The following ABLIM1 variants were observed in gnomAD, a reference collection of about 807,000 sequenced individuals.
ABLIM1 encodes the protein actin-binding LIM protein 1.
ABLIM1 carries 40 observed loss-of-function variants against 107.0 expected under a neutral mutation model. The ratio of observed to expected loss-of-function variants is 0.37; its 90% CI spans 0.29 to 0.49. The LOEUF (loss-of-function observed/expected upper bound fraction) is 0.49. ABLIM1 is among the 20% of genes least tolerant of loss of function. The pLI is 0.97. For synonymous variants in ABLIM1, 357 were observed against 357.3 expected (o/e 1.00, Z 0.01); for missense variants, 857 against 1,008.5 (o/e 0.85, Z 2.04).
intron 6 of ABLIM1, among the ~76,000 whole-genome samples, chr10:114,501,372 T>G (rs1383736451): frequency 1.3e-5 from 2 of 152,224 alleles, no homozygotes; most frequent in Non-Finnish European, 2.9e-5. Flanking sequence ...CAGTTAATAT[T>G]GGGAAGGCTC....
chr10:114,488,308 G>T (rs997385561), intron 7 of ABLIM1, among the ~76,000 whole-genome samples: 11 of 151,958 alleles, frequency 7.2e-5, no homozygotes, highest in African/African-American at 1.9e-4. Context: ...ATCGTGTCTT[G>T]TTATTTTTAA....
chr10:114,491,008 G>T (rs200169013), intron 7 of ABLIM1, among the ~76,000 whole-genome samples: 1 of 86,518 alleles, frequency 1.2e-5, no homozygotes, highest in African/African-American at 5.6e-5. Flanking sequence ...GTGTGTGTGT[G>T]TGTGTATATA....
intron 22 of ABLIM1, among the ~76,000 whole-genome samples, chr10:114,437,505 G>GAAACAGGGTTTAGTAGA (rs367678640): frequency 0.012 from 1,839 of 151,946 alleles, 35 homozygotes; most frequent in African/African-American, 0.041. Context: ...TTTTAGTAGA[G>GAAACAGGGTTTAGTAGA]ACAGGGTTTC....
intron 6 of ABLIM1, among the ~76,000 whole-genome samples, chr10:114,493,811 T>C (rs1033770835): frequency 6.6e-6 from 1 of 152,186 alleles, no homozygotes; most frequent in African/African-American, 2.4e-5. Flanking sequence ...CTAAATATTG[T>C]AAAGATGCTG....
chr10:114,661,313 G>A (rs1462516816), upstream of ABLIM1, among the ~76,000 whole-genome samples: 3 of 152,210 alleles, frequency 2.0e-5, no homozygotes, highest in African/African-American at 7.2e-5. Flanking sequence ...GGAGAGGGAT[G>A]AGAGTTCAGA....
At chr10:114,557,185 G>A (rs558974201) in intron 4 of ABLIM1, among the ~76,000 whole-genome samples, 1 of 152,276 alleles carries the variant, frequency 6.6e-6, no homozygotes, top group South Asian at 2.1e-4. Flanking sequence ...TGTGGAGCCT[G>A]AGTATGTAAC....
intron 14 of ABLIM1, among the ~76,000 whole-genome samples, chr10:114,449,716 T>C (rs2061554017): frequency 6.6e-6 from 1 of 152,194 alleles, no homozygotes. Flanking sequence ...TGTTAGCATA[T>C]AAGAAGTTCT....
intron 7 of ABLIM1, among the ~76,000 whole-genome samples, chr10:114,491,403 C>A (rs534862138): frequency 3.4e-4 from 52 of 152,102 alleles, no homozygotes; most frequent in African/African-American, 9.4e-4. Context: ...AAAAAGTAGC[C>A]ATCAAATAAG....
chr10:114,792,463 A>C, the ABLIM1 span, among the ~76,000 whole-genome samples: 14 of 152,238 alleles, frequency 9.2e-5, no homozygotes, highest in African/African-American at 3.4e-4. Context: ...GATACATCAG[A>C]TAACTTTCAT....
At chr10:114,607,545 T>G (rs192131100) in intron 1 of ABLIM1, among the ~76,000 whole-genome samples, 1 of 152,318 alleles carries the variant, frequency 6.6e-6, no homozygotes, top group East Asian at 1.9e-4. Context: ...CCCAGCCACA[T>G]GAGCAAGGTA....
At chr10:114,542,849 C>T (rs2066874669) in intron 6 of ABLIM1, among the ~76,000 whole-genome samples, 1 of 152,208 alleles carries the variant, frequency 6.6e-6, no homozygotes, top group Non-Finnish European at 1.5e-5. Flanking sequence ...GATGGGACCG[C>T]TCGGACTCCA....
Position 114,484,558 on chromosome 10 carries a change from T to C in ABLIM1, c.1041+3400A>G, listed in dbSNP as rs556292534. On this transcript the variant is annotated intron_variant, in intron 8 of 22. Transcript: ENST00000533213. ...CAACCATGCCTGGCTAATTTTTATA[T>C]TTTTAGTGGAGACGGGGTTTCACCA... Among the ~76,000 whole-genome samples, 5 of 151,676 alleles carry C rather than the reference T, an allele frequency of 3.3e-5. No homozygotes were observed. In the East Asian group the frequency reaches 9.7e-4, roughly 29 times the overall value.
In ABLIM1 at chr10:114,436,411, C is replaced by G; in HGVS notation, c.2224-38G>C. On this transcript the variant is annotated intron_variant, in intron 22 of 22. Coordinates refer to ENST00000533213, the MANE Select transcript of ABLIM1 (RefSeq NM_002313.7). Reference sequence around the variant, plus strand: ...AAAAAAAAAAAGAGCTGCTGTCAGTCCTGATGGCCACACAAATGGCCTTGA... The same window carrying G: ...AAAAAAAAAAAGAGCTGCTGTCAGTGCTGATGGCCACACAAATGGCCTTGA... The G allele has an allele frequency of 2.0e-6, 3 of 1,478,900 alleles. No individual in the cohort carries two copies. In the South Asian group the frequency reaches 3.5e-5, roughly 17 times the overall value. The allele number at this position is 1,478,900 out of a possible 1,614,324, so 91.6% of individuals were successfully genotyped here. A position where few individuals can be genotyped will look rare whatever the true frequency, so the allele number is the denominator to read the frequency against.
the ABLIM1 span, among the ~76,000 whole-genome samples, chr10:114,780,223 T>C: frequency 6.6e-5 from 10 of 152,060 alleles, no homozygotes; most frequent in Admixed American, 1.3e-4. Context: ...GAGCATACAG[T>C]GGGATTCCTG....
intron 6 of ABLIM1, among the ~76,000 whole-genome samples, chr10:114,544,353 C>G (rs2067055974): frequency 6.6e-6 from 1 of 152,208 alleles, no homozygotes; most frequent in Non-Finnish European, 1.5e-5. Context: ...CTTCTGAACT[C>G]TGGCCCCAGA....
chr10:114,535,946 A>G (rs7076323), intron 6 of ABLIM1, among the ~76,000 whole-genome samples: 11,397 of 152,102 alleles, frequency 0.075, 714 homozygotes, highest in African/African-American at 0.17. Context: ...CAGATTTACC[A>G]GGGGGATGGT....
chr10:114,557,476 C>T (rs879768980), intron 4 of ABLIM1, among the ~76,000 whole-genome samples: 20 of 152,108 alleles, frequency 1.3e-4, no homozygotes, highest in Non-Finnish European at 2.6e-4. Context: ...TGGTATTTGG[C>T]AATAAATCTT....
chr10:114,549,037 T>C (rs2067710782), intron 4 of ABLIM1, among the ~76,000 whole-genome samples: 1 of 152,272 alleles, frequency 6.6e-6, no homozygotes, highest in Non-Finnish European at 1.5e-5. Context: ...GTCCTGCTTC[T>C]TGACAACACT....
intron 1 of ABLIM1, among the ~76,000 whole-genome samples, chr10:114,609,521 T>C (rs1223655760): frequency 1.3e-5 from 2 of 152,254 alleles, no homozygotes; most frequent in Admixed American, 6.5e-5. Flanking sequence ...TTTGCTTTTA[T>C]TTCATAATCC....
Sources: gnomAD v4.1 joint callset for allele counts (sites outside exome capture counted in the v4.1 genomes callset) on GRCh38, gnomAD v4.1.1 for gene constraint, MANE v1.5 for transcripts, NCBI Gene and HGNC (gene_info 2026-07-23, HGNC 2026-07-21) for gene names.